Variants in ATP11B observed in about 807,000 individuals in gnomAD.
The protein encoded by ATP11B is ATPase phospholipid transporting 11B (putative).
Under a neutral mutation model 157.8 loss-of-function variants are expected in ATP11B, and 81 were observed. The observed-to-expected ratio is 0.51, with a 90% CI of 0.43 to 0.62. The LOEUF is 0.62. Ranked by LOEUF, ATP11B falls within the 20% of genes least tolerant of loss-of-function variation. The pLI is 0.00. For missense variants in ATP11B, 1,165 were observed against 1,402.2 expected, an observed-to-expected ratio of 0.83 and a Z score of 2.70; for synonymous variants, 451 against 469.4, an observed-to-expected ratio of 0.96 and a Z score of 0.51.
At chr3:182,806,313 A>G (rs1180125280) in intron 1 of ATP11B, among the ~76,000 whole-genome samples, 21 of 151,812 alleles carry the variant, frequency 1.4e-4, no homozygotes, top group Admixed American at 1.4e-3. Context: ...ATATTTTGTA[A>G]TTTTACTGTG....
At chr3:182,838,875 A>G (rs1387247941) in intron 7 of ATP11B, among the ~76,000 whole-genome samples, 42 of 151,992 alleles carry the variant, frequency 2.8e-4, no homozygotes, top group Admixed American at 2.6e-3. Flanking sequence ...AGATAGGTAT[A>G]TATGTAGATA....
chr3:182,836,110 G>A lies in ATP11B; in HGVS notation c.391G>A (p.Gly131Ser). ...GAPVYVVRSG[G>S]LVKTRSKNIR... ...TCCTGTTTATGTTGTTCGAAGTGGT[G>A]GCCTTGTAAAAACTAGATCAAAAAA... is the stretch of plus-strand genomic sequence containing the variant. The change falls in exon 5 of 30, where the codon GGC becomes AGC. Residue 131 changes from glycine (G) to serine (S), a missense_variant. Coordinates refer to ENST00000323116, the MANE Select transcript of ATP11B (RefSeq NM_014616.3). 3 of 1,613,494 alleles carry A rather than the reference G, an allele frequency of 1.9e-6. No homozygotes were observed. The highest frequency in any genetic ancestry group is 2.5e-6 in the Non-Finnish European group (3 of 1,179,736).
At chr3:182,848,621 A>G in intron 10 of ATP11B, 64 bp downstream of exon 10, 1 of 694,392 alleles carries the variant, frequency 1.4e-6, no homozygotes, top group Non-Finnish European at 2.1e-6. Context: ...TTCGTTTGGT[A>G]TAAAATATTA....
chr3:182,813,789 A>G (rs2108492995), intron 1 of ATP11B, among the ~76,000 whole-genome samples: 1 of 151,792 alleles, frequency 6.6e-6, no homozygotes, highest in East Asian at 1.9e-4. Flanking sequence ...GTGCAGTGGC[A>G]TTATTGTGGC....
chr3:182,804,384 T>C (rs962440149), intron 1 of ATP11B, among the ~76,000 whole-genome samples: 1 of 151,928 alleles, frequency 6.6e-6, no homozygotes, highest in South Asian at 2.1e-4. Context: ...TAGCTGGGAC[T>C]ACAGGCACCC....
chr3:182,831,776 T>A (rs1318064398), intron 4 of ATP11B, among the ~76,000 whole-genome samples: 1 of 152,180 alleles, frequency 6.6e-6, no homozygotes. Flanking sequence ...TCTTAGTCTG[T>A]CCTTTTTTTC....
chr3:182,885,263 A>G (rs531990431), intron 22 of ATP11B, among the ~76,000 whole-genome samples: 2 of 152,276 alleles, frequency 1.3e-5, no homozygotes, highest in South Asian at 4.1e-4. Context: ...TTTTATATGC[A>G]TAAAATGAAA....
chr3:182,793,987 C>A (rs1256406578), intron 1 of ATP11B, among the ~76,000 whole-genome samples: 1 of 151,958 alleles, frequency 6.6e-6, no homozygotes, highest in African/African-American at 2.4e-5. Flanking sequence ...CAAGCCCGGG[C>A]CGCCGAGGCT....
At chr3:182,873,651 T>A (rs1219809908) in intron 18 of ATP11B, among the ~76,000 whole-genome samples, 161 bp from the exon 19 acceptor site, 1 of 152,232 alleles carries the variant, frequency 6.6e-6, no homozygotes, top group Non-Finnish European at 1.5e-5. Context: ...CGTGTTTCCT[T>A]CCTAATGAGA....
rs763282401 is a variant in ATP11B at position 182,913,957 on chromosome 3, C to T, written c.3415C>T (p.Arg1139Ter). The change falls in exon 29 of 30, where the codon CGA (arginine) becomes TGA (stop). Residue 1139 changes from arginine to a stop codon, truncating the protein, a stop_gained. Coordinates refer to ENST00000323116, the MANE Select transcript of ATP11B (RefSeq NM_014616.3). LOFTEE classifies it high-confidence loss of function. ...TGCATCTGTTGGAAGAATGCTGGAA[C>T]GAGTTATAGGAAGATGTAGTCCAAC... ...ACASVGRMLERVIGRCSPTHI... is the reference protein window; with the variant it reads ...ACASVGRMLE 2.4e-5 allele frequency: 39 copies of T among 1,614,042 alleles called. No homozygotes were observed. Among genetic ancestry groups the T allele is most frequent in the South Asian group, 4.4e-5 (4 of 91,084 alleles).
At chr3:182,876,022 C>T (rs538942354) in intron 19 of ATP11B, among the ~76,000 whole-genome samples, 9 of 152,066 alleles carry the variant, frequency 5.9e-5, no homozygotes, top group Non-Finnish European at 1.3e-4. Context: ...TGAGGTGGAT[C>T]GCTTGAGCCC....
At position 182,824,011 on chromosome 3, in the gene ATP11B, G is replaced by A. The variant is rs1717553596; in HGVS notation, c.144+3635G>A. 2.0e-5 allele frequency among the ~76,000 whole-genome samples: 3 copies of A among 151,422 alleles called. No individual in the cohort carries two copies. The South Asian group carries it at 6.3e-4, about 32-fold the overall frequency. ...GGTCCCCCTCCTCCTCACCCCCCAG[G>A]CACTAGCAACCACTGATCTGCTTTC... On this transcript the variant is annotated intron_variant, in intron 2 of 29. Transcript: ENST00000323116.
intron 3 of ATP11B, among the ~76,000 whole-genome samples, chr3:182,828,839 A>G (rs1717912741): frequency 6.6e-6 from 1 of 152,084 alleles, no homozygotes; most frequent in Non-Finnish European, 1.5e-5. Context: ...TAAAATAGTG[A>G]TGGCCATTTT....
intron 1 of ATP11B, among the ~76,000 whole-genome samples, chr3:182,801,605 A>G (rs1716019700): frequency 6.6e-6 from 1 of 152,110 alleles, no homozygotes; most frequent in Non-Finnish European, 1.5e-5. Context: ...TGTTTTATCT[A>G]TTCCCCCCAC....
At chr3:182,796,151 G>T (rs1715584178) in intron 1 of ATP11B, among the ~76,000 whole-genome samples, 2 of 152,126 alleles carry the variant, frequency 1.3e-5, no homozygotes. Flanking sequence ...GTTGACAGAA[G>T]CTTGATCTTT....
At chr3:182,902,742 C>T (rs1233095225) in intron 28 of ATP11B, among the ~76,000 whole-genome samples, 1 of 151,958 alleles carries the variant, frequency 6.6e-6, no homozygotes, top group African/African-American at 2.4e-5. Flanking sequence ...AAAAAAAAAT[C>T]CATTTCTTCT....
At chr3:182,826,588 T>A (rs973728521) in intron 2 of ATP11B, among the ~76,000 whole-genome samples, 1 of 152,194 alleles carries the variant, frequency 6.6e-6, no homozygotes, top group Non-Finnish European at 1.5e-5. Flanking sequence ...CTCTCTTCTT[T>A]CTAGAGCCCT....
chr3:182,801,554 C>G (rs1456474998), intron 1 of ATP11B, among the ~76,000 whole-genome samples: 15 of 152,082 alleles, frequency 9.9e-5, no homozygotes, highest in Admixed American at 9.8e-4. Flanking sequence ...TATAATTTAT[C>G]CTTTACCCAA....
intron 11 of ATP11B, among the ~76,000 whole-genome samples, chr3:182,858,816 A>G (rs964390680): frequency 6.6e-6 from 1 of 152,222 alleles, no homozygotes; most frequent in Non-Finnish European, 1.5e-5. Context: ...GGGTAATAGT[A>G]GAATGGGATA....
Sources: gnomAD v4.1 joint callset for allele counts (sites outside exome capture counted in the v4.1 genomes callset) on GRCh38, gnomAD v4.1.1 for gene constraint, MANE v1.5 for transcripts, NCBI Gene and HGNC (gene_info 2026-07-23, HGNC 2026-07-21) for gene names.